HTATSF1: variants seen among roughly 807,000 people sequenced by gnomAD.
HTATSF1 encodes the protein HIV-1 Tat specific factor 1.
In HTATSF1, 6 loss-of-function variants were observed where a neutral mutation model predicts 46.1. The ratio of observed to expected loss-of-function variants is 0.13; its 90% CI spans 0.07 to 0.26. HTATSF1 has a LOEUF of 0.26. Ranked by LOEUF, HTATSF1 falls within the 10% of genes least tolerant of loss-of-function variation. The pLI, the probability that HTATSF1 is intolerant of heterozygous loss-of-function variation, is 1.00. For synonymous variants in HTATSF1, 226 were observed against 211.5 expected, an observed-to-expected ratio of 1.07 and a Z score of -0.60; for missense variants, 452 against 559.9, an observed-to-expected ratio of 0.81 and a Z score of 1.94.
At chrX:136,501,003 A>G (rs994717157) in intron 4 of HTATSF1, among the ~76,000 whole-genome samples, 185 bp downstream of exon 4, 3 of 112,593 alleles carry the variant, frequency 2.7e-5, no homozygotes, top group South Asian at 3.6e-4. Context: ...TTAAGAAAAT[A>G]TGTTATCAGG....
chrX:136,504,521 A>G, intron 6 of HTATSF1, 58 bp downstream of exon 6: 1 of 913,672 alleles, frequency 1.1e-6, no homozygotes, highest in Non-Finnish European at 1.6e-6. Context: ...CTCTCAAGGG[A>G]GCCTGGAGCT....
At position 136,499,690 on chromosome X, in the gene HTATSF1, T is replaced by C. The variant is rs751968964; in HGVS notation, c.279T>C (p.His93=). ...SSSTANVEDV[H]ARTAEEPPQE... ...CTACCGCAAATGTTGAAGATGTCCATGCTAGGACTGCAGAGGAACCTCCAC... is the reference window on the plus strand; with the variant it reads ...CTACCGCAAATGTTGAAGATGTCCACGCTAGGACTGCAGAGGAACCTCCAC... Residue 93 remains histidine, a synonymous_variant, in exon 2 of 9, where the codon CAT becomes CAC. Transcript: ENST00000218364. The C allele has an allele frequency of 8.3e-7, 1 of 1,201,438 alleles. No individual in the cohort carries two copies. Among genetic ancestry groups the C allele is most frequent in the East Asian group, 3.0e-5 (1 of 33,523 alleles).
Position 136,511,710 on chromosome X carries a change from G to A in HTATSF1, c.1965G>A (p.Gly655=), listed in dbSNP as rs2075769248. The A allele has an allele frequency of 8.3e-7, 1 of 1,209,428 alleles. No individual in the cohort carries two copies. The highest frequency in any genetic ancestry group is 2.2e-5 in the Admixed American group (1 of 45,700). Reference sequence around the variant, plus strand: ...ATGAAGAATATGCAGATGAAAAGGGGCTTGAAGCTGCTGATAAAAAGGCGG... The same window carrying A: ...ATGAAGAATATGCAGATGAAAAGGGACTTGAAGCTGCTGATAAAAAGGCGG... ...KEDEEYADEK[G]LEAADKKAEE... Residue 655 remains glycine (G), a synonymous_variant, in exon 9 of 9, where the codon GGG becomes GGA. Transcript: ENST00000218364.
At chrX:136,501,616 C>T (rs1052214537) in intron 4 of HTATSF1, among the ~76,000 whole-genome samples, 10 of 112,025 alleles carry the variant, frequency 8.9e-5, no homozygotes, top group Non-Finnish European at 1.9e-4. Context: ...ATGACATGTA[C>T]ATAAGTCAAA....
In HTATSF1 at chrX:136,511,592, C is replaced by T; in HGVS notation, c.1847C>T (p.Ser616Phe). Reference protein sequence around the residue: ...GSEKVLDEEGSEREFDEDSDE... With the variant: ...GSEKVLDEEGFEREFDEDSDE... Reference sequence around the variant, plus strand: ...GAAAAAGTGTTAGATGAGGAAGGCTCTGAGAGAGAGTTTGACGAAGATTCA... The same window carrying T: ...GAAAAAGTGTTAGATGAGGAAGGCTTTGAGAGAGAGTTTGACGAAGATTCA... Residue 616 changes from serine (S) to phenylalanine (F), a missense_variant, in exon 9 of 9, where the codon TCT becomes TTT. Ser to Phe is a radical substitution (Grantham distance 155, BLOSUM62 -2). This residue lies in a region of HTATSF1 where 246 missense variants were observed against 245.3 expected (regional missense o/e 1.00). Transcript: ENST00000218364. The T allele has an allele frequency of 8.3e-7, 1 of 1,210,488 alleles. No individual in the cohort carries two copies.
In HTATSF1 at chrX:136,511,733, C is replaced by T. The variant is rs1435332332; in HGVS notation, c.1988C>T (p.Ala663Val). The T allele has an allele frequency of 9.9e-6, 12 of 1,209,247 alleles. No homozygotes were observed. The highest frequency in any genetic ancestry group is 1.3e-5 in the Non-Finnish European group (12 of 894,933). Reference sequence around the variant, plus strand: ...GGGCTTGAAGCTGCTGATAAAAAGGCGGAAGAAGGTGATGCAGATGAAAAG... The same window carrying T: ...GGGCTTGAAGCTGCTGATAAAAAGGTGGAAGAAGGTGATGCAGATGAAAAG... Reference protein sequence around the residue: ...EKGLEAADKKAEEGDADEKLF... With the variant: ...EKGLEAADKKVEEGDADEKLF... The change falls in exon 9 of 9, where the codon GCG becomes GTG. Residue 663 changes from alanine to valine, a missense_variant. By Grantham distance (64) the Ala-to-Val change is moderately conservative. This residue lies in a region of HTATSF1 where 246 missense variants were observed against 245.3 expected (regional missense o/e 1.00). Transcript: ENST00000218364.
At chrX:136,499,559 T>G in intron 1 of HTATSF1, 39 bp from the exon 2 acceptor site, 2 of 1,038,755 alleles carry the variant, frequency 1.9e-6, no homozygotes, top group Non-Finnish European at 2.5e-6. Flanking sequence ...GAAATAATTT[T>G]GAATTTCTCT....
chrX:136,497,541 G>T (rs1450345870), upstream of HTATSF1: 5 of 395,663 alleles, frequency 1.3e-5, no homozygotes, highest in African/African-American at 1.3e-4. Context: ...ATTTCCCGGG[G>T]ACTGCTGGGG....
intron 5 of HTATSF1, 96 bp downstream of exon 5, chrX:136,503,037 C>A (rs1352184390): frequency 1.9e-6 from 1 of 523,348 alleles, no homozygotes. Flanking sequence ...TGTGCCTACA[C>A]ATTATTTTAA....
chrX:136,498,493 T>C (rs1459244880), intron 1 of HTATSF1, among the ~76,000 whole-genome samples: 1 of 112,451 alleles, frequency 8.9e-6, no homozygotes, highest in African/African-American at 3.2e-5. Context: ...AAATAACTAA[T>C]GTTAAACTTG....
intron 6 of HTATSF1, 58 bp from the exon 7 acceptor site, chrX:136,509,012 ATCAGAACAAGAAATTGGATTC>A: frequency 1.4e-6 from 1 of 700,647 alleles, no homozygotes; most frequent in Non-Finnish European, 2.3e-6. Flanking sequence ...TTGTTGATTT[ATCAGAACAAGAAATTGGATTC>A]TCAGGATTTA....
At chrX:136,501,738 C>G (rs1425011334) in intron 4 of HTATSF1, among the ~76,000 whole-genome samples, 1 of 111,992 alleles carries the variant, frequency 8.9e-6, no homozygotes, top group Non-Finnish European at 1.9e-5. Context: ...TAGGATTAAG[C>G]TGACAGCTTT....
At chrX:136,502,698 A>G (rs1274782060) in intron 4 of HTATSF1, 80 bp from the exon 5 acceptor site, 2 of 451,097 alleles carry the variant, frequency 4.4e-6, no homozygotes, top group Non-Finnish European at 7.0e-6. Context: ...TATTTTATGT[A>G]TAATCATCGT....
rs759870192 is a variant in HTATSF1 at position 136,509,987 on chromosome X, A to G, written c.925-95A>G. On this transcript the variant is annotated intron_variant, in intron 7 of 8. Transcript: ENST00000218364. ...ATAAAGTCTTTTACTTCAGAGTATC[A>G]GAGAGAACACTACTACTTACCTACT... is the stretch of plus-strand genomic sequence containing the variant. 54 of 800,902 alleles carry G rather than the reference A, an allele frequency of 6.7e-5. 1 individual carries two copies. The highest frequency in any genetic ancestry group is 9.2e-5 in the Non-Finnish European group (52 of 566,260). The allele number at this position is 800,902 out of a possible 1,213,427, so 66.0% of individuals were successfully genotyped here.
In HTATSF1 at chrX:136,511,063, T is replaced by G; in HGVS notation, c.1318T>G (p.Phe440Val). 1.7e-6 allele frequency: 2 copies of G among 1,211,220 alleles called. No homozygotes were observed. The highest frequency in any genetic ancestry group is 5.9e-5 in the East Asian group (2 of 33,813). Residue 440 changes from phenylalanine (F) to valine (V), a missense_variant, in exon 9 of 9, where the codon TTT becomes GTT. This residue lies in a region of HTATSF1 where 246 missense variants were observed against 245.3 expected (regional missense o/e 1.00). Transcript: ENST00000218364. ...TGAAAAGACAGAAGATGGGGGAGAA[T>G]TTGAAGAAGGTGCTTCTGAAAACAA... The part of the protein sequence containing the change: ...KFEKTEDGGE[F>V]EEGASENNAK...
At chrX:136,499,345 A>G (rs749916217) in intron 1 of HTATSF1, among the ~76,000 whole-genome samples, 1 of 112,465 alleles carries the variant, frequency 8.9e-6, no homozygotes, top group Non-Finnish European at 1.9e-5. Flanking sequence ...ATCACTTAAA[A>G]TGCTTTAAAT....
At position 136,497,696 on chromosome X, in the gene HTATSF1, C is replaced by A; in HGVS notation, c.12C>A (p.Thr4=). The change falls in exon 1 of 9, where the codon ACC becomes ACA. Residue 4 remains threonine (T), a synonymous_variant. Coordinates refer to ENST00000218364, the MANE Select transcript of HTATSF1 (RefSeq NM_014500.5). ...GCTAGGTAGGAAACATGAGCGGCAC[C>A]AACTTGGATGGGAACGATGAGTTTG... MSG[T]NLDGNDEFDE... is the part of the protein sequence containing the mutation. 1 of 1,194,027 alleles carries A rather than the reference C, an allele frequency of 8.4e-7. No homozygotes were observed. The highest frequency in any genetic ancestry group is 1.1e-6 in the Non-Finnish European group (1 of 882,758).
intron 1 of HTATSF1, among the ~76,000 whole-genome samples, chrX:136,498,186 A>G (rs1204210215): frequency 8.9e-6 from 1 of 112,619 alleles, no homozygotes; most frequent in Non-Finnish European, 1.9e-5. Context: ...GTAGCTGTCC[A>G]TTTCTGGTAG....
At chrX:136,509,048 T>TA (rs761074564) in intron 6 of HTATSF1, 43 bp from the exon 7 acceptor site, 29 of 918,504 alleles carry the variant, frequency 3.2e-5, no homozygotes, top group Middle Eastern at 2.7e-4. Flanking sequence ...GATTTATAGT[T>TA]AAAGAAGGGA....
Sources: allele counts gnomAD v4.1 joint callset (sites outside exome capture counted in the v4.1 genomes callset), GRCh38; gene constraint gnomAD v4.1.1; regional missense constraint gnomAD v4.1.1; transcripts MANE v1.5; gene names NCBI Gene and HGNC (gene_info 2026-07-23, HGNC 2026-07-21).